PIAS2: variants seen among roughly 807,000 people sequenced by gnomAD.
The protein encoded by PIAS2 is protein inhibitor of activated STAT 2, also known as E3 SUMO-protein ligase PIAS2.
A neutral mutation model predicts 69.7 loss-of-function variants in PIAS2; 19 were observed. That is an observed-to-expected ratio of 0.27 (90% confidence interval 0.19 to 0.40). The LOEUF is 0.40. PIAS2 is among the 10% of genes least tolerant of loss of function. The pLI is 1.00. For missense variants in PIAS2, 624 were observed against 757.0 expected, an observed-to-expected ratio of 0.82 and a Z score of 2.06; for synonymous variants, 261 against 263.2, an observed-to-expected ratio of 0.99 and a Z score of 0.08.
At position 46,870,707 on chromosome 18, in the gene PIAS2, G is replaced by T. The variant is rs548226090; in HGVS notation, c.500-6459C>A. Among the ~76,000 whole-genome samples the T allele has an allele frequency of 1.3e-4, 20 of 150,872 alleles. No individual in the cohort carries two copies. The East Asian group carries it at 3.7e-3, about 28-fold the overall frequency. ...GCAGATCAAATTGATCAATTCTTAG[G>T]GCCACAGCTGTATACTTGGGCAGAG... On this transcript the variant is annotated intron_variant, in intron 2 of 13. Transcript: ENST00000585916.
intron 1 of PIAS2, chr18:46,903,422 T>C (rs566355208): frequency 1.3e-5 from 2 of 150,890 alleles, no homozygotes; most frequent in African/African-American, 4.8e-5. Context: ...ATGTCATGGA[T>C]TGGGATATAC....
rs931341820 is a variant in PIAS2 at position 46,804,224 on chromosome 18, T to C, written c.*8209A>G. On this transcript the variant is annotated 3_prime_UTR_variant, in exon 14 of 14. Coordinates refer to ENST00000585916, the MANE Select transcript of PIAS2 (RefSeq NM_004671.5). Reference sequence around the variant, plus strand: ...CTCTGCCCTCATGGAGCTTACAATCTAGTAGGGGAAACACACAATATGCAG... The same window carrying C: ...CTCTGCCCTCATGGAGCTTACAATCCAGTAGGGGAAACACACAATATGCAG... 2 of 152,190 alleles carry C rather than the reference T, an allele frequency of 1.3e-5. No individual in the cohort carries two copies. The highest frequency in any genetic ancestry group is 6.5e-5 in the Admixed American group (1 of 15,284). The allele number at this position is 152,190 out of a possible 1,614,324, so 9.4% of individuals were successfully genotyped here.
chr18:46,854,314 T>C (rs761271189), intron 5 of PIAS2, among the ~76,000 whole-genome samples: 1 of 152,196 alleles, frequency 6.6e-6, no homozygotes, highest in African/African-American at 2.4e-5. Context: ...AGCAGGGATA[T>C]TACACAGCTT....
At chr18:46,916,808 G>C (rs2057979570) in intron 1 of PIAS2, 3 of 985,124 alleles carry the variant, frequency 3.0e-6, no homozygotes, top group African/African-American at 3.5e-5. Context: ...GTGGGAGAAG[G>C]GGCCTTTTCT....
chr18:46,819,413 A>G (rs1036420702), intron 12 of PIAS2, among the ~76,000 whole-genome samples: 2 of 152,144 alleles, frequency 1.3e-5, no homozygotes, highest in African/African-American at 4.8e-5. Context: ...CAACTCCCAA[A>G]TTACATGTGG....
At chr18:46,919,024 TG>T (rs2058343785), upstream of PIAS2, among the ~76,000 whole-genome samples, 2 of 151,816 alleles carry the variant, frequency 1.3e-5, no homozygotes, top group Admixed American at 1.3e-4. Flanking sequence ...TGTGTGTGTG[TG>T]TGTGTGTTGT....
chr18:46,890,145 A>G (rs1001679676), intron 2 of PIAS2, among the ~76,000 whole-genome samples: 2 of 152,250 alleles, frequency 1.3e-5, no homozygotes, highest in Admixed American at 6.5e-5. Flanking sequence ...TCAAAATCAT[A>G]GACAGTGGAA....
At chr18:46,820,260 ATAAT>A (rs1204505975) in intron 12 of PIAS2, among the ~76,000 whole-genome samples, 2 of 152,052 alleles carry the variant, frequency 1.3e-5, no homozygotes, top group Non-Finnish European at 2.9e-5. Flanking sequence ...GCATATTGTT[ATAAT>A]TGTTCTATTT....
intron 11 of PIAS2, among the ~76,000 whole-genome samples, chr18:46,821,480 T>C (rs914706776): frequency 1.3e-5 from 2 of 152,152 alleles, no homozygotes; most frequent in Admixed American, 6.6e-5. Flanking sequence ...TCAGGGAACC[T>C]TGAGAAGTGA....
At chr18:46,870,211 C>G (rs1600026702) in intron 2 of PIAS2, among the ~76,000 whole-genome samples, 1 of 152,146 alleles carries the variant, frequency 6.6e-6, no homozygotes, top group East Asian at 1.9e-4. Flanking sequence ...CCCTCCACCT[C>G]TAAGGAATCA....
At chr18:46,850,205 T>C (rs2046762903) in intron 5 of PIAS2, among the ~76,000 whole-genome samples, 1 of 152,176 alleles carries the variant, frequency 6.6e-6, no homozygotes, top group South Asian at 2.1e-4. Context: ...CAACTCCCAC[T>C]CTAGATTATT....
chr18:46,815,504 A>T, intron 12 of PIAS2, 155 bp from the exon 13 acceptor site: 2 of 985,220 alleles, frequency 2.0e-6, no homozygotes, highest in Non-Finnish European at 1.2e-6. Context: ...TGATATTTGA[A>T]GTGTTTAAAA....
intron 1 of PIAS2, among the ~76,000 whole-genome samples, chr18:46,893,840 T>C (rs2054436864): frequency 6.6e-6 from 1 of 151,974 alleles, no homozygotes; most frequent in South Asian, 2.1e-4. Flanking sequence ...AAAATCCCTC[T>C]CCTTGGCCAG....
chr18:46,817,841 A>AT, intron 12 of PIAS2: 1 of 961,130 alleles, frequency 1.0e-6, no homozygotes, highest in African/African-American at 1.8e-5. Flanking sequence ...GTCTTCTTGC[A>AT]TTTTACATTT....
rs926313880 is a variant in PIAS2, at chr18:46,803,332, T to G, written c.*9101A>C. ...AGTTTTTTAAAAAATGGATACTTACTTTTTTAGGTTGTATCAGCAGCTTTT... is the reference window on the plus strand; with the variant it reads ...AGTTTTTTAAAAAATGGATACTTACGTTTTTAGGTTGTATCAGCAGCTTTT... On this transcript the variant is annotated 3_prime_UTR_variant, in exon 14 of 14. Transcript: ENST00000585916. The G allele has an allele frequency of 6.6e-6, 1 of 152,178 alleles. No homozygotes were observed. The highest frequency in any genetic ancestry group is 1.5e-5 in the Non-Finnish European group (1 of 68,034). The allele number at this position is 152,178 out of a possible 1,614,324, so 9.4% of individuals were successfully genotyped here.
intron 3 of PIAS2, among the ~76,000 whole-genome samples, chr18:46,860,840 G>A: frequency 6.6e-6 from 1 of 152,072 alleles, no homozygotes; most frequent in Non-Finnish European, 1.5e-5. Flanking sequence ...AGCCAGGTGT[G>A]GTGTTGTACA....
rs1383063488 is a variant in PIAS2, at chr18:46,890,762, G to C, written c.317C>G (p.Ser106Cys). ...TGGTGAGTGAGGTGTAACTGAAGTG[G>C]AAGGCAACGAGTGGATTCCAGCCAC... ...LAVAGIHSLP[S>C]TSVTPHSPSS... is the part of the protein sequence containing the mutation. The change falls in exon 2 of 14, where the codon TCC (serine) becomes TGC (cysteine). Residue 106 changes from serine to cysteine, a missense_variant. This residue lies in a region of PIAS2 where 339 missense variants were observed against 408.8 expected (regional missense o/e 0.83). Transcript: ENST00000585916. 2 of 1,614,188 alleles carry C rather than the reference G, an allele frequency of 1.2e-6. No individual in the cohort carries two copies. Among genetic ancestry groups the C allele is most frequent in the East Asian group, 4.5e-5 (2 of 44,890 alleles).
intron 5 of PIAS2, among the ~76,000 whole-genome samples, chr18:46,847,468 T>C (rs2046318471): frequency 6.6e-6 from 1 of 151,966 alleles, no homozygotes; most frequent in South Asian, 2.1e-4. Flanking sequence ...TACTTTTATG[T>C]AGTCATCAAC....
At chr18:46,861,028 C>T (rs1203390132) in intron 3 of PIAS2, among the ~76,000 whole-genome samples, 3 of 151,420 alleles carry the variant, frequency 2.0e-5, no homozygotes, top group African/African-American at 7.3e-5. Context: ...ACCTGTAATC[C>T]CAACACTTTG....
Sources: allele counts gnomAD v4.1 joint callset (sites outside exome capture counted in the v4.1 genomes callset), GRCh38; gene constraint gnomAD v4.1.1; regional missense constraint gnomAD v4.1.1; transcripts MANE v1.5; gene names NCBI Gene and HGNC (gene_info 2026-07-23, HGNC 2026-07-21).